The following NARS2 variants were observed in gnomAD, a reference collection of about 807,000 sequenced individuals.
NARS2 encodes the protein asparaginyl-tRNA synthetase 2, mitochondrial, also known as asparaginyl-tRNA synthetase.
Under a neutral mutation model 62.9 loss-of-function variants are expected in NARS2, and 60 were observed. The observed-to-expected ratio is 0.95, with a 90% confidence interval of 0.77 to 1.18. NARS2 has a LOEUF of 1.18. NARS2 is among the 50% of genes most tolerant of loss of function. The probability of loss-of-function intolerance (pLI) is 0.00; values close to 1 mark genes in which losing one functional copy is unlikely to be tolerated. For synonymous variants in NARS2, 196 were observed against 200.0 expected (o/e 0.98, Z 0.17); for missense variants, 619 against 576.4 (o/e 1.07, Z -0.76).
chr11:78,491,512 G>A (rs534156432), intron 7 of NARS2, among the ~76,000 whole-genome samples: 2 of 152,362 alleles, frequency 1.3e-5, no homozygotes, highest in South Asian at 4.1e-4. Flanking sequence ...CTTACTCAAG[G>A]TTATGCCCCT....
chr11:78,490,328 C>G (rs1859762690), intron 7 of NARS2, among the ~76,000 whole-genome samples: 1 of 152,080 alleles, frequency 6.6e-6, no homozygotes, highest in Admixed American at 6.5e-5. Flanking sequence ...TAATCAGTTC[C>G]CAACTTATTT....
intron 6 of NARS2, among the ~76,000 whole-genome samples, chr11:78,506,960 C>T (rs1860524172): frequency 6.6e-6 from 1 of 152,192 alleles, no homozygotes; most frequent in Non-Finnish European, 1.5e-5. Context: ...AGCAGTTGCC[C>T]ATACCCCTCT....
At chr11:78,535,895 G>GT (rs1855317627) in intron 5 of NARS2, among the ~76,000 whole-genome samples, 2 of 152,014 alleles carry the variant, frequency 1.3e-5, no homozygotes, top group Non-Finnish European at 2.9e-5. Context: ...GGGATTACAG[G>GT]TGTGAGCCAC....
intron 6 of NARS2, among the ~76,000 whole-genome samples, chr11:78,512,076 A>G (rs1860742250): frequency 1.3e-5 from 2 of 152,252 alleles, no homozygotes; most frequent in Non-Finnish European, 2.9e-5. Flanking sequence ...CCTCATTGCC[A>G]ACATAAATGA....
Position 78,568,730 on chromosome 11 carries a change from C to T in NARS2, c.274G>A (p.Val92Met), listed in dbSNP as rs769765345. The T allele has an allele frequency of 1.2e-6, 2 of 1,609,498 alleles. No homozygotes were observed. Among genetic ancestry groups the T allele is most frequent in the African/African-American group, 2.7e-5 (2 of 74,918 alleles). Residue 92 changes from valine to methionine, a missense_variant, in exon 3 of 14, where the codon GTG becomes ATG. By Grantham distance (21) the Val-to-Met change is conservative (BLOSUM62 1). Coordinates refer to ENST00000281038, the MANE Select transcript of NARS2 (RefSeq NM_024678.6). ...DSRELNFGSS[V>M]EVQGQLIKSP... ...TTTATCAGCTGCCCTTGTACTTCCA[C>T]AGAACTCCCAAAATTTAATTCTCTA...
chr11:78,507,874 C>CT (rs139762022), intron 6 of NARS2, among the ~76,000 whole-genome samples: 108 of 66,162 alleles, frequency 1.6e-3, no homozygotes, highest in Non-Finnish European at 4.4e-3. Flanking sequence ...AAAAATATGA[C>CT]CCAGAGGGGA....
chr11:78,446,294 C>T (rs893326453), intron 11 of NARS2, among the ~76,000 whole-genome samples: 1 of 152,160 alleles, frequency 6.6e-6, no homozygotes, highest in African/African-American at 2.4e-5. Context: ...ATCCTCATTA[C>T]TATGATTAAA....
At chr11:78,509,663 C>A (rs117655027) in intron 6 of NARS2, among the ~76,000 whole-genome samples, 1,580 of 151,668 alleles carry the variant, frequency 0.01, 17 homozygotes, top group Non-Finnish European at 0.017. Context: ...TTGGGGCACA[C>A]CTGTATAAAG....
chr11:78,536,789 T>C (rs986561423), intron 5 of NARS2, among the ~76,000 whole-genome samples: 1 of 152,206 alleles, frequency 6.6e-6, no homozygotes, highest in African/African-American at 2.4e-5. Context: ...TTTGCAGTAA[T>C]GTCCTAGGCC....
At chr11:78,566,854 A>G (rs1471111079) in intron 3 of NARS2, among the ~76,000 whole-genome samples, 3 of 152,230 alleles carry the variant, frequency 2.0e-5, no homozygotes, top group Admixed American at 6.5e-5. Flanking sequence ...CATTCATGTT[A>G]CAAGATTAAG....
At chr11:78,473,228 T>A (rs909724210) in intron 9 of NARS2, among the ~76,000 whole-genome samples, 2 of 152,226 alleles carry the variant, frequency 1.3e-5, no homozygotes, top group Non-Finnish European at 2.9e-5. Context: ...ACAAAAGGAC[T>A]AACATTTCAA....
rs1015855093 is a variant in NARS2, at chr11:78,496,266, A to G, written c.690-3071T>C. On this transcript the variant is annotated intron_variant, in intron 6 of 13. Transcript: ENST00000281038. ...TATCCAAAGATACTGTTCAGTATCA[A>G]GTGTTCTATTATAAGTAATAGTAGC... Among the ~76,000 whole-genome samples the G allele has an allele frequency of 8.5e-5, 13 of 152,314 alleles. No individual in the cohort carries two copies. The South Asian group carries it at 2.3e-3, about 27-fold the overall frequency.
chr11:78,528,726 T>G (rs758283852), intron 6 of NARS2, 116 bp downstream of exon 6: 8 of 694,382 alleles, frequency 1.2e-5, no homozygotes, highest in African/African-American at 1.8e-5. Flanking sequence ...TTTTGGAAAA[T>G]TCAAGTGAAC....
chr11:78,553,922 T>C lies in NARS2; in HGVS notation c.594+5617A>G, dbSNP rs1023694115. Among the ~76,000 whole-genome samples the C allele has an allele frequency of 9.9e-5, 15 of 152,192 alleles. 1 individual carries two copies. Among genetic ancestry groups the C allele is most frequent in the African/African-American group, 3.1e-4 (13 of 41,452 alleles). Reference sequence around the variant, plus strand: ...ATCTTGAGTTGATTTTTGTACATGATGTAAGGAAGAGGTCCAGCTTCAATC... The same window carrying C: ...ATCTTGAGTTGATTTTTGTACATGACGTAAGGAAGAGGTCCAGCTTCAATC... On this transcript the variant is annotated intron_variant, in intron 5 of 13. Coordinates refer to ENST00000281038, the MANE Select transcript of NARS2 (RefSeq NM_024678.6).
At chr11:78,572,301 A>G (rs1319900543) in intron 1 of NARS2, among the ~76,000 whole-genome samples, 1 of 152,216 alleles carries the variant, frequency 6.6e-6, no homozygotes, top group East Asian at 1.9e-4. Flanking sequence ...CTTTATAAAT[A>G]TTATGCTACT....
chr11:78,477,530 C>T (rs1452250568), intron 9 of NARS2, among the ~76,000 whole-genome samples: 1 of 152,106 alleles, frequency 6.6e-6, no homozygotes, highest in Non-Finnish European at 1.5e-5. Flanking sequence ...AATAGGAGAA[C>T]TCTTGCCACC....
intron 7 of NARS2, among the ~76,000 whole-genome samples, chr11:78,480,837 AAGAC>A (rs1405528538): frequency 2.0e-5 from 3 of 150,880 alleles, no homozygotes; most frequent in African/African-American, 7.3e-5. Context: ...TTTTTTTTCT[AAGAC>A]AGAGTCTTGC....
chr11:78,519,226 T>C (rs1004229434), intron 6 of NARS2, among the ~76,000 whole-genome samples: 2 of 152,194 alleles, frequency 1.3e-5, no homozygotes, highest in African/African-American at 4.8e-5. Context: ...TTCATGGCTT[T>C]TGAGCTCATT....
In NARS2 at chr11:78,443,650, C is replaced by G; in HGVS notation, c.1262+11G>C. On this transcript the variant is annotated intron_variant, in intron 12 of 13. Transcript: ENST00000281038. ...TTTCTCAATTGTGTTTCTTTTAGGT[C>G]TGACCAGTACCTGGCTAAGCGCTCC... 6.3e-7 allele frequency: 1 copy of G among 1,595,078 alleles called. No homozygotes were observed. Among genetic ancestry groups the G allele is most frequent in the Non-Finnish European group, 8.6e-7 (1 of 1,163,328 alleles).
Sources: gnomAD v4.1 joint callset for allele counts (sites outside exome capture counted in the v4.1 genomes callset) on GRCh38, gnomAD v4.1.1 for gene constraint, MANE v1.5 for transcripts, NCBI Gene and HGNC (gene_info 2026-07-23, HGNC 2026-07-21) for gene names.